The following TMEM171 variants were observed in gnomAD, a reference collection of about 807,000 sequenced individuals.
TMEM171 encodes proline-rich protein PRP2.
In TMEM171, 16 loss-of-function variants were observed where a neutral mutation model predicts 19.1. The ratio of observed to expected loss-of-function variants is 0.84; its 90% CI spans 0.57 to 1.27. The LOEUF (loss-of-function observed/expected upper bound fraction) is 1.27, where lower values mean the gene tolerates loss of function less well. Among genes scored for constraint, TMEM171 ranks in the 50% most tolerant of loss-of-function variants. The pLI, the probability that TMEM171 is intolerant of heterozygous loss-of-function variation, is 0.00. For missense variants in TMEM171, 429 were observed against 412.7 expected, an observed-to-expected ratio of 1.04 and a Z score of -0.34; for synonymous variants, 153 against 163.4, an observed-to-expected ratio of 0.94 and a Z score of 0.48.
At chr5:73,128,135 C>A (rs974309857) in intron 2 of TMEM171, among the ~76,000 whole-genome samples, 1 of 152,132 alleles carries the variant, frequency 6.6e-6, no homozygotes, top group Non-Finnish European at 1.5e-5. Context: ...CTTCCATTAT[C>A]CCCAACAGCA....
At position 73,123,877 on chromosome 5, in the gene TMEM171, C is replaced by T. The variant is rs746077660; in HGVS notation, c.504C>T (p.Pro168=). The T allele has an allele frequency of 7.4e-6, 12 of 1,613,894 alleles. No homozygotes were observed. In the East Asian group the frequency reaches 2.5e-4, roughly 33 times the overall value. The change falls in exon 2 of 4, where the codon CCC becomes CCT. Residue 168 remains proline (P), a synonymous_variant. Coordinates refer to ENST00000454765, the MANE Select transcript of TMEM171 (RefSeq NM_173490.8). ...CGFLSLQIMG[P]LIVLVGLCFF... ...TCCTTTCTCTGCAGATCATGGGGCC[C>T]TTGATTGTGCTTGTGGGATTGTGTT...
At chr5:73,127,408 A>ATATATATATATATATGT (rs1561513446) in intron 2 of TMEM171, among the ~76,000 whole-genome samples, 1 of 105,980 alleles carries the variant, frequency 9.4e-6, no homozygotes, top group African/African-American at 5.1e-5. Context: ...TATATATATA[A>ATATATATATATATATGT]AGCATAAACA....
intron 1 of TMEM171, among the ~76,000 whole-genome samples, chr5:73,120,998 AGGGGAGTTTGGCTTT>A (rs1743993517): frequency 6.6e-6 from 1 of 152,122 alleles, no homozygotes; most frequent in Non-Finnish European, 1.5e-5. Flanking sequence ...AGTGTTGGAG[AGGGGAGTTTGGCTTT>A]GGGGAGTTTA....
chr5:73,130,147 T>C (rs1394135871), intron 3 of TMEM171, among the ~76,000 whole-genome samples: 2 of 151,328 alleles, frequency 1.3e-5, no homozygotes, highest in African/African-American at 4.9e-5. Context: ...GATGAGGGCC[T>C]TGGAGGCAGA....
chr5:73,129,830 G>A (rs1744285285), intron 3 of TMEM171, among the ~76,000 whole-genome samples: 1 of 152,184 alleles, frequency 6.6e-6, no homozygotes, highest in African/African-American at 2.4e-5. Flanking sequence ...GTCAGCCTGA[G>A]CCCCGATCCA....
At position 73,124,002 on chromosome 5, in the gene TMEM171, A is replaced by G. The variant is rs1744095968; in HGVS notation, c.629A>G (p.Gln210Arg). Residue 210 changes from glutamine (Q) to arginine (R), a missense_variant, in exon 2 of 4, where the codon CAG (glutamine) becomes CGG (arginine). Physicochemically the swap from Gln to Arg is conservative, Grantham distance 43. Coordinates refer to ENST00000454765, the MANE Select transcript of TMEM171 (RefSeq NM_173490.8). ...CAGATCCAGATTATGGAGCCTGTCC[A>G]GGTCACTGTAGGTGGGTTGCTGTTA... is the stretch of plus-strand genomic sequence containing the variant. Reference protein sequence around the residue: ...EGQIQIMEPVQVTVGDSVIIF... With the variant: ...EGQIQIMEPVRVTVGDSVIIF... 2 of 1,550,014 alleles carry G rather than the reference A, an allele frequency of 1.3e-6. No individual in the cohort carries two copies. Among genetic ancestry groups the G allele is most frequent in the South Asian group, 2.5e-5 (2 of 79,788 alleles).
rs1744365318 is a variant in TMEM171, at chr5:73,131,707, T to C, written c.952T>C (p.Ser318Pro). The change falls in exon 4 of 4, where the codon TCT (serine) becomes CCT (proline). Residue 318 changes from serine to proline, a missense_variant. Coordinates refer to ENST00000454765, the MANE Select transcript of TMEM171 (RefSeq NM_173490.8). ...TGCTGCAGCTACATTCTTGCCTCTA[T>C]CTTCTGAGCCTTCCCCACCGTAAAC... ...ENAAATFLPL[S>P]SEPSPP 1 of 1,612,824 alleles carries C rather than the reference T, an allele frequency of 6.2e-7. No homozygotes were observed. Among genetic ancestry groups the C allele is most frequent in the Non-Finnish European group, 8.5e-7 (1 of 1,179,550 alleles).
chr5:73,120,913 T>TC (rs1743991623), intron 1 of TMEM171, among the ~76,000 whole-genome samples: 1 of 152,178 alleles, frequency 6.6e-6, no homozygotes, highest in African/African-American at 2.4e-5. Flanking sequence ...CTCGTTTCGT[T>TC]CCCCAAACGC....
intron 1 of TMEM171, 91 bp from the exon 2 acceptor site, chr5:73,123,215 G>A (rs949079489): frequency 5.0e-5 from 58 of 1,160,364 alleles, no homozygotes; most frequent in South Asian, 1.9e-4. Flanking sequence ...AGGCCTCATT[G>A]TGGTGTGATT....
Position 73,123,675 on chromosome 5 carries a change from T to A in TMEM171, c.302T>A (p.Phe101Tyr), listed in dbSNP as rs945027089. 1 of 1,614,196 alleles carries A rather than the reference T, an allele frequency of 6.2e-7. No homozygotes were observed. Residue 101 changes from phenylalanine to tyrosine, a missense_variant, in exon 2 of 4, where the codon TTC becomes TAC. Phe to Tyr is a conservative substitution (Grantham distance 22). Coordinates refer to ENST00000454765, the MANE Select transcript of TMEM171 (RefSeq NM_173490.8). Reference protein sequence around the residue: ...RGQQMDPDRAFICGESRQFAQ... With the variant: ...RGQQMDPDRAYICGESRQFAQ... ...CAGCAGATGGACCCCGACCGAGCCT[T>A]CATCTGTGGAGAGAGCCGCCAGTTT...
intron 2 of TMEM171, among the ~76,000 whole-genome samples, chr5:73,127,384 A>AAAATATATATATATATAT: frequency 3.7e-5 from 3 of 81,678 alleles, no homozygotes; most frequent in African/African-American, 1.3e-4. Flanking sequence ...AAAAAAAAAA[A>AAAATATATATATATATAT]ATATATATAT....
chr5:73,125,709 G>T (rs1290939177), intron 2 of TMEM171, among the ~76,000 whole-genome samples: 1 of 152,172 alleles, frequency 6.6e-6, no homozygotes, highest in African/African-American at 2.4e-5. Flanking sequence ...GAGTTTTGGG[G>T]CCCAGCCTTC....
At chr5:73,120,924 A>C (rs1276316055) in intron 1 of TMEM171, among the ~76,000 whole-genome samples, 1 of 152,160 alleles carries the variant, frequency 6.6e-6, no homozygotes, top group Non-Finnish European at 1.5e-5. Context: ...CCCCAAACGC[A>C]CCATAGCTTT....
At chr5:73,129,466 C>T (rs1744273964) in intron 3 of TMEM171, among the ~76,000 whole-genome samples, 1 of 152,130 alleles carries the variant, frequency 6.6e-6, no homozygotes, top group Non-Finnish European at 1.5e-5. Flanking sequence ...AGTCTTTGGT[C>T]CTTTTGTTAC....
chr5:73,128,992 C>T (rs1244098689), intron 3 of TMEM171, among the ~76,000 whole-genome samples: 1 of 152,168 alleles, frequency 6.6e-6, no homozygotes, highest in African/African-American at 2.4e-5. Flanking sequence ...ACTCGGGAGG[C>T]TGAGGCATGA....
At position 73,123,646 on chromosome 5, in the gene TMEM171, A is replaced by G. The variant is rs771429706; in HGVS notation, c.273A>G (p.Arg91=). 10 of 1,614,142 alleles carry G rather than the reference A, an allele frequency of 6.2e-6. No individual in the cohort carries two copies. Among genetic ancestry groups the G allele is most frequent in the Middle Eastern group, 1.6e-4 (1 of 6,062 alleles). ...TTCAGCTCCGTGCAGGGCTGCAGAGAGGTCAGCAGATGGACCCCGACCGAG... is the reference window on the plus strand; with the variant it reads ...TTCAGCTCCGTGCAGGGCTGCAGAGGGGTCAGCAGATGGACCCCGACCGAG... ...AQLQLRAGLQ[R]GQQMDPDRAF... The change falls in exon 2 of 4, where the codon AGA becomes AGG. Residue 91 remains arginine, a synonymous_variant. Coordinates refer to ENST00000454765, the MANE Select transcript of TMEM171 (RefSeq NM_173490.8).
Position 73,123,840 on chromosome 5 carries a change from G to A in TMEM171, c.467G>A (p.Arg156Gln), listed in dbSNP as rs570514255. Residue 156 changes from arginine to glutamine, a missense_variant, in exon 2 of 4, where the codon CGG becomes CAG. Arg to Gln is a conservative substitution (Grantham distance 43). Coordinates refer to ENST00000454765, the MANE Select transcript of TMEM171 (RefSeq NM_173490.8). The part of the protein sequence containing the change: ...NETDTGDSEP[R>Q]MCGFLSLQIM... ...ACAGACACTGGCGACTCAGAGCCCC[G>A]GATGTGTGGGTTCCTTTCTCTGCAG... The A allele has an allele frequency of 8.1e-6, 13 of 1,613,484 alleles. No individual in the cohort carries two copies. Among genetic ancestry groups the A allele is most frequent in the South Asian group, 7.7e-5 (7 of 90,968 alleles).
At position 73,131,758 on chromosome 5, in the gene TMEM171, G is replaced by A. The variant is rs780476990; in HGVS notation, c.*28G>A. On this transcript the variant is annotated 3_prime_UTR_variant, in exon 4 of 4. Coordinates refer to ENST00000454765, the MANE Select transcript of TMEM171 (RefSeq NM_173490.8). ...TATGGACTCTAGTTCAGTTTTATAT[G>A]CAATGGATCACTATTTTATTTAATT... 1 of 1,512,182 alleles carries A rather than the reference G, an allele frequency of 6.6e-7. No homozygotes were observed. Among genetic ancestry groups the A allele is most frequent in the South Asian group, 1.3e-5 (1 of 74,290 alleles). 93.7% of individuals were successfully genotyped at this position (1,512,182 alleles called of 1,614,324 possible). A position where few individuals can be genotyped will look rare whatever the true frequency, so the allele number is the denominator to read the frequency against.
Position 73,123,276 on chromosome 5 carries a change from C to A in TMEM171, c.-68-30C>A. On this transcript the variant is annotated intron_variant, in intron 1 of 3. Transcript: ENST00000454765. Reference sequence around the variant, plus strand: ...GGTGGTTCTGGAACACCTGTGCCCACGTTAATTTGGTGTTTGGTTGTGTTT... The same window carrying A: ...GGTGGTTCTGGAACACCTGTGCCCAAGTTAATTTGGTGTTTGGTTGTGTTT... 3 of 1,513,084 alleles carry A rather than the reference C, an allele frequency of 2.0e-6. No individual in the cohort carries two copies. In the South Asian group the frequency reaches 4.0e-5, roughly 20 times the overall value. The allele number at this position is 1,513,084 out of a possible 1,614,324, so 93.7% of individuals were successfully genotyped here.
Sources: allele counts gnomAD v4.1 joint callset (sites outside exome capture counted in the v4.1 genomes callset), GRCh38; gene constraint gnomAD v4.1.1; transcripts MANE v1.5; gene names NCBI Gene and HGNC (gene_info 2026-07-23, HGNC 2026-07-21).